SPIRE1: variants seen among roughly 807,000 people sequenced by gnomAD.
The protein encoded by SPIRE1 is protein spire homolog 1.
A neutral mutation model predicts 94.1 loss-of-function variants in SPIRE1; 40 were observed. The ratio of observed to expected loss-of-function variants is 0.43; its 90% CI spans 0.33 to 0.55. The LOEUF (loss-of-function observed/expected upper bound fraction) is 0.55, where lower values mean the gene tolerates loss of function less well. Among genes scored for constraint, SPIRE1 ranks in the 20% least tolerant of loss-of-function variants. The pLI is 0.06. For synonymous variants in SPIRE1, 376 were observed against 371.7 expected, an observed-to-expected ratio of 1.01 and a Z score of -0.13; for missense variants, 838 against 975.2, an observed-to-expected ratio of 0.86 and a Z score of 1.87.
chr18:12,486,557 G>GT (rs1416807016), intron 8 of SPIRE1, among the ~76,000 whole-genome samples: 37 of 152,306 alleles, frequency 2.4e-4, no homozygotes, highest in African/African-American at 8.7e-4. Context: ...GGACAGGACA[G>GT]ATTGCCTGAG....
intron 8 of SPIRE1, among the ~76,000 whole-genome samples, chr18:12,488,918 G>A (rs1258217155): frequency 6.6e-6 from 1 of 152,192 alleles, no homozygotes; most frequent in East Asian, 1.9e-4. Context: ...AGGCGCGGTG[G>A]CTCACGCCTG....
At chr18:12,606,550 A>G (rs1212191514) in intron 2 of SPIRE1, among the ~76,000 whole-genome samples, 6 of 119,018 alleles carry the variant, frequency 5.0e-5, no homozygotes. Flanking sequence ...TTTTTTTTTG[A>G]GACAGGGTCT....
chr18:12,654,550 G>A (rs903341438), intron 1 of SPIRE1, among the ~76,000 whole-genome samples: 7 of 151,856 alleles, frequency 4.6e-5, no homozygotes, highest in African/African-American at 9.7e-5. Context: ...GGGAGGCTGA[G>A]GTAGGAGAAT....
At chr18:12,516,580 A>G (rs1036436707) in intron 4 of SPIRE1, among the ~76,000 whole-genome samples, 5 of 152,006 alleles carry the variant, frequency 3.3e-5, no homozygotes, top group African/African-American at 7.3e-5. Context: ...GAGCCAATAC[A>G]TCTCTCCCCT....
At chr18:12,607,577 G>C (rs1160408984) in intron 2 of SPIRE1, among the ~76,000 whole-genome samples, 10 of 146,664 alleles carry the variant, frequency 6.8e-5, no homozygotes, top group Non-Finnish European at 1.5e-4. Context: ...CACCTTTAGG[G>C]TTTTCTACTC....
chr18:12,544,915 T>C (rs2035118834), intron 3 of SPIRE1, among the ~76,000 whole-genome samples: 1 of 152,190 alleles, frequency 6.6e-6, no homozygotes, highest in Admixed American at 6.5e-5. Context: ...CCAGGGTTGA[T>C]TTTATGGATC....
intron 4 of SPIRE1, among the ~76,000 whole-genome samples, chr18:12,531,475 A>G (rs571126560): frequency 1.9e-4 from 29 of 152,318 alleles, no homozygotes; most frequent in Admixed American, 5.2e-4. Flanking sequence ...CTTAGAGGAA[A>G]ATAGCAATAA....
At chr18:12,555,932 C>A (rs1233725430) in intron 2 of SPIRE1, among the ~76,000 whole-genome samples, 1 of 152,146 alleles carries the variant, frequency 6.6e-6, no homozygotes, top group African/African-American at 2.4e-5. Context: ...TAAATCTGAA[C>A]CCCTCCCGAA....
intron 2 of SPIRE1, among the ~76,000 whole-genome samples, chr18:12,551,395 T>C (rs2035343903): frequency 6.6e-6 from 1 of 152,278 alleles, no homozygotes; most frequent in East Asian, 1.9e-4. Context: ...ACTTATAGAA[T>C]TGTATTCTTA....
chr18:12,515,495 C>T (rs761440743), intron 4 of SPIRE1, among the ~76,000 whole-genome samples: 5 of 151,958 alleles, frequency 3.3e-5, no homozygotes, highest in African/African-American at 4.8e-5. Context: ...CCAACCTGGG[C>T]GACAGAGAGA....
At chr18:12,502,945 TA>T (rs982593195) in intron 6 of SPIRE1, among the ~76,000 whole-genome samples, 56 of 151,966 alleles carry the variant, frequency 3.7e-4, no homozygotes, top group African/African-American at 1.3e-3. Flanking sequence ...ACATCTCTAC[TA>T]AAAATACAAA....
intron 10 of SPIRE1, among the ~76,000 whole-genome samples, chr18:12,478,540 GGGTGT>G (rs530372242): frequency 7.8e-4 from 95 of 121,896 alleles, no homozygotes; most frequent in Non-Finnish European, 1.6e-3. Flanking sequence ...TGTGTAGCTA[GGGTGT>G]GTGTGTGAAG....
intron 2 of SPIRE1, among the ~76,000 whole-genome samples, chr18:12,610,958 T>A (rs2037123605): frequency 6.6e-6 from 1 of 151,904 alleles, no homozygotes; most frequent in African/African-American, 2.4e-5. Context: ...ACTACCCTCA[T>A]CCTGTGCAAA....
intron 4 of SPIRE1, among the ~76,000 whole-genome samples, chr18:12,533,846 G>A (rs1392299548): frequency 1.3e-5 from 2 of 151,866 alleles, no homozygotes; most frequent in Non-Finnish European, 2.9e-5. Flanking sequence ...AAACCTAGTT[G>A]AGGATGTGCC....
At chr18:12,540,046 A>T (rs2034969534) in intron 3 of SPIRE1, among the ~76,000 whole-genome samples, 1 of 151,944 alleles carries the variant, frequency 6.6e-6, no homozygotes, top group South Asian at 2.1e-4. Flanking sequence ...GTGGCACCAG[A>T]GCAGAGAGAT....
intron 2 of SPIRE1, among the ~76,000 whole-genome samples, chr18:12,574,834 A>C (rs969728231): frequency 1.3e-5 from 2 of 152,260 alleles, no homozygotes; most frequent in Admixed American, 6.5e-5. Context: ...TGAAATCCAA[A>C]AACTGTGGTA....
chr18:12,548,908 C>G (rs772327432), intron 2 of SPIRE1, among the ~76,000 whole-genome samples: 18 of 152,304 alleles, frequency 1.2e-4, no homozygotes, highest in Admixed American at 4.6e-4. Flanking sequence ...AGCCACCACG[C>G]ACTATTTTCT....
chr18:12,659,719 CTTA>C (rs528383437), upstream of SPIRE1, among the ~76,000 whole-genome samples: 4 of 152,126 alleles, frequency 2.6e-5, no homozygotes, highest in East Asian at 7.7e-4. Context: ...CCCCAGGCAA[CTTA>C]TTATAATTTC....
intron 1 of SPIRE1, among the ~76,000 whole-genome samples, chr18:12,635,773 TAAAC>T (rs2144822365): frequency 1.3e-5 from 2 of 152,304 alleles, no homozygotes; most frequent in African/African-American, 4.8e-5. Context: ...ACATACTTCT[TAAAC>T]AAAAACAGCT....
Sources: allele counts gnomAD v4.1 joint callset (sites outside exome capture counted in the v4.1 genomes callset), GRCh38; gene constraint gnomAD v4.1.1; transcripts MANE v1.5; gene names NCBI Gene and HGNC (gene_info 2026-07-23, HGNC 2026-07-21).